The following MTRR variants were observed in gnomAD, a reference collection of about 807,000 sequenced individuals.
The protein encoded by MTRR is 5-methyltetrahydrofolate-homocysteine methyltransferase reductase.
A neutral mutation model predicts 79.2 loss-of-function variants in MTRR; 63 were observed. The ratio of observed to expected loss-of-function variants is 0.80; its 90% CI spans 0.65 to 0.98. The LOEUF is 0.98. Among genes scored for constraint, MTRR ranks in the 50% least tolerant of loss-of-function variants. MTRR has a pLI of 0.00. For synonymous variants in MTRR, 355 were observed against 313.3 expected, an observed-to-expected ratio of 1.13 and a Z score of -1.41; for missense variants, 895 against 839.6, an observed-to-expected ratio of 1.07 and a Z score of -0.82.
intron 1 of MTRR, among the ~76,000 whole-genome samples, chr5:7,860,022 C>T (rs1416590177): frequency 6.6e-6 from 1 of 152,136 alleles, no homozygotes; most frequent in African/African-American, 2.4e-5. Flanking sequence ...AGGAGAGAGT[C>T]TGCTCAGCTG....
upstream of MTRR, among the ~76,000 whole-genome samples, chr5:7,864,987 T>G (rs1029661333): frequency 6.6e-6 from 1 of 152,144 alleles, no homozygotes; most frequent in East Asian, 1.9e-4. Context: ...GCATCAATAG[T>G]AGAATAAACA....
chr5:7,875,167 A>G, intron 3 of MTRR, 91 bp from the exon 4 acceptor site: 1 of 887,432 alleles, frequency 1.1e-6, no homozygotes, highest in South Asian at 1.3e-5. Flanking sequence ...AGAGCATGAA[A>G]TAGTATTATT....
chr5:7,865,996 G>A, upstream of MTRR: 1 of 1,605,786 alleles, frequency 6.2e-7, no homozygotes, highest in South Asian at 1.1e-5. Flanking sequence ...GAAACAGAAA[G>A]CATCCCAGTC....
At chr5:7,860,968 AG>A (rs1430904275) in intron 1 of MTRR, among the ~76,000 whole-genome samples, 2 of 152,192 alleles carry the variant, frequency 1.3e-5, no homozygotes, top group Non-Finnish European at 2.9e-5. Context: ...TTCCTATAAA[AG>A]CCTCCCTCTT....
At chr5:7,866,739 A>C, upstream of MTRR, 1 of 1,614,056 alleles carries the variant, frequency 6.2e-7, no homozygotes, top group Non-Finnish European at 8.5e-7. Context: ...AGAAGTTTCA[A>C]TAATGATTTG....
Position 7,894,742 on chromosome 5 carries a change from A to C in MTRR, c.1558-992A>C, listed in dbSNP as rs182285953. ...AGACATTGGGAAGTCATTACCCATC[A>C]TTCTGTGGATATATGTGATAATGTG... On this transcript the variant is annotated intron_variant, in intron 11 of 14. Transcript: ENST00000440940. 7.9e-5 allele frequency among the ~76,000 whole-genome samples: 12 copies of C among 152,302 alleles called. No homozygotes were observed. The East Asian group carries it at 2.3e-3, about 29-fold the overall frequency.
intron 1 of MTRR, chr5:7,861,214 G>A: frequency 6.2e-7 from 1 of 1,612,532 alleles, no homozygotes; most frequent in South Asian, 1.1e-5. Flanking sequence ...CCCAGTAAGT[G>A]TTTGCTATTG....
intron 1 of MTRR, among the ~76,000 whole-genome samples, chr5:7,855,428 A>AC (rs996018523): frequency 1.3e-5 from 2 of 151,370 alleles, no homozygotes; most frequent in African/African-American, 4.9e-5. Flanking sequence ...TGGAAAAAAA[A>AC]AAAAGAAAAA....
chr5:7,880,282 A>T (rs1229236005), intron 5 of MTRR, among the ~76,000 whole-genome samples: 1 of 152,228 alleles, frequency 6.6e-6, no homozygotes, highest in East Asian at 1.9e-4. Flanking sequence ...AACAGCAGGC[A>T]GGACTTATGA....
At position 7,870,826 on chromosome 5, in the gene MTRR, A is replaced by G; in HGVS notation, c.32A>G (p.Gln11Arg). The change falls in exon 2 of 15, where the codon CAG (glutamine) becomes CGG (arginine). Residue 11 changes from glutamine (Q) to arginine (R), a missense_variant. Gln to Arg is a conservative substitution (Grantham distance 43). Coordinates refer to ENST00000440940, the MANE Select transcript of MTRR (RefSeq NM_002454.3). ...AGGTTTCTGTTACTATATGCTACAC[A>G]GCAGGGACAGGCAAAGGCCATCGCA... MRRFLLLYAT[Q>R]QGQAKAIAEE... is the part of the protein sequence containing the mutation. The G allele has an allele frequency of 6.2e-7, 1 of 1,614,234 alleles. No individual in the cohort carries two copies. The highest frequency in any genetic ancestry group is 8.5e-7 in the Non-Finnish European group (1 of 1,180,024).
At chr5:7,874,055 C>CT (rs2126667401) in intron 3 of MTRR, among the ~76,000 whole-genome samples, 1 of 152,272 alleles carries the variant, frequency 6.6e-6, no homozygotes, top group East Asian at 1.9e-4. Context: ...AGGTAGGGCC[C>CT]TGGCATCGTT....
chr5:7,879,462 CAAAAAAA>C (rs35558077), intron 5 of MTRR, among the ~76,000 whole-genome samples: 1 of 88,576 alleles, frequency 1.1e-5, no homozygotes, highest in Admixed American at 1.3e-4. Flanking sequence ...GACTCCGTCT[CAAAAAAA>C]AAAAAAAAAA....
chr5:7,877,505 A>C (rs1217666002), intron 4 of MTRR, among the ~76,000 whole-genome samples: 1 of 18,926 alleles, frequency 5.3e-5, no homozygotes, highest in Non-Finnish European at 1.1e-4. Context: ...TGGCTAGGCA[A>C]AAAAAAAAAA....
intron 4 of MTRR, among the ~76,000 whole-genome samples, chr5:7,877,503 CAAAAA>C (rs11324670): frequency 1.3e-4 from 13 of 100,488 alleles, no homozygotes; most frequent in East Asian, 3.0e-4. Context: ...ATTGGCTAGG[CAAAAA>C]AAAAAAAAAA....
chr5:7,866,740 TA>T (rs748049451), upstream of MTRR: 1 of 1,614,052 alleles, frequency 6.2e-7, no homozygotes, highest in South Asian at 1.1e-5. Context: ...GAAGTTTCAA[TA>T]ATGATTTGGG....
chr5:7,867,766 C>T (rs767484855), upstream of MTRR: 2 of 1,614,194 alleles, frequency 1.2e-6, no homozygotes, highest in African/African-American at 2.7e-5. Flanking sequence ...TCAAGTTGCT[C>T]AGTCTCCTGT....
chr5:7,890,999 GCAGAAAACTGCGCACCTCC>G (rs1215636413), intron 9 of MTRR, among the ~76,000 whole-genome samples: 4 of 4,720 alleles, frequency 8.5e-4, no homozygotes, highest in African/African-American at 6.8e-3. Flanking sequence ...GCACCTCCCT[GCAGAAAACTGCGCACCTCC>G]CTGCAGAAAA....
intron 1 of MTRR, 83 bp downstream of exon 1, chr5:7,869,298 G>A (rs1579577437): frequency 2.6e-6 from 4 of 1,546,658 alleles, no homozygotes; most frequent in Non-Finnish European, 1.8e-6. Flanking sequence ...CCGGGGCGGG[G>A]GTGGGCAGCC....
intron 11 of MTRR, among the ~76,000 whole-genome samples, chr5:7,895,277 A>G (rs1408096448): frequency 6.6e-6 from 1 of 152,220 alleles, no homozygotes; most frequent in Non-Finnish European, 1.5e-5. Context: ...CAGCACCATT[A>G]TCTGGAATAT....
Sources: allele counts gnomAD v4.1 joint callset (sites outside exome capture counted in the v4.1 genomes callset), GRCh38; gene constraint gnomAD v4.1.1; transcripts MANE v1.5; gene names NCBI Gene and HGNC (gene_info 2026-07-23, HGNC 2026-07-21).